The following KALRN variants were observed in gnomAD, a reference collection of about 807,000 sequenced individuals.
The protein encoded by KALRN is kalirin.
Under a neutral mutation model 353.7 loss-of-function variants are expected in KALRN, and 70 were observed. The ratio of observed to expected loss-of-function variants is 0.20; its 90% CI spans 0.16 to 0.24. The LOEUF (loss-of-function observed/expected upper bound fraction) is 0.24, where lower values mean the gene tolerates loss of function less well. Ranked by LOEUF, KALRN falls within the 10% of genes least tolerant of loss-of-function variation. The probability of loss-of-function intolerance (pLI) is 1.00; values close to 1 mark genes in which losing one functional copy is unlikely to be tolerated. For synonymous variants in KALRN, 1,391 were observed against 1,434.8 expected (o/e 0.97, Z 0.69); for missense variants, 2,791 against 3,756.7 (o/e 0.74, Z 6.72).
chr3:124,670,652 G>A (rs2086303916), intron 47 of KALRN, among the ~76,000 whole-genome samples: 1 of 152,186 alleles, frequency 6.6e-6, no homozygotes, highest in Admixed American at 6.5e-5. Flanking sequence ...CTGGGCCCCA[G>A]CTGTTAACCC....
At chr3:124,624,490 C>T (rs1427961689) in intron 34 of KALRN, among the ~76,000 whole-genome samples, 1 of 152,168 alleles carries the variant, frequency 6.6e-6, no homozygotes, top group East Asian at 1.9e-4. Context: ...GCATCCCTTC[C>T]CTCATGGATA....
intron 38 of KALRN, among the ~76,000 whole-genome samples, chr3:124,654,350 T>C (rs1407621620): frequency 6.6e-6 from 1 of 152,196 alleles, no homozygotes; most frequent in African/African-American, 2.4e-5. Context: ...GCTCCAGGAA[T>C]GTGGTGGCTT....
chr3:124,325,871 C>T (rs1243443033), intron 6 of KALRN, 109 bp from the exon 7 acceptor site: 2 of 842,426 alleles, frequency 2.4e-6, no homozygotes, highest in Non-Finnish European at 3.8e-6. Flanking sequence ...ACCAGCGTCT[C>T]TCAGACTTTT....
intron 2 of KALRN, among the ~76,000 whole-genome samples, chr3:124,231,616 C>T (rs1160989448): frequency 6.6e-6 from 1 of 152,186 alleles, no homozygotes; most frequent in Non-Finnish European, 1.5e-5. Flanking sequence ...TTGGGAAATG[C>T]TGGACATTCT....
At chr3:124,090,597 G>T (rs2061058836) in intron 1 of KALRN, among the ~76,000 whole-genome samples, 1 of 152,174 alleles carries the variant, frequency 6.6e-6, no homozygotes, top group African/African-American at 2.4e-5. Flanking sequence ...CTGCCTTCCA[G>T]GTGAGCATAC....
Position 124,152,454 on chromosome 3 carries a change from G to A in KALRN, c.74-75536G>A, listed in dbSNP as rs536773569. The A allele has an allele frequency of 9.8e-4, 1,274 of 1,302,614 alleles. 3 individuals are homozygous for A. The highest frequency in any genetic ancestry group is 1.9e-3 in the South Asian group (161 of 84,896). The allele number at this position is 1,302,614 out of a possible 1,614,324, so 80.7% of individuals were successfully genotyped here. On this transcript the variant is annotated intron_variant, in intron 1 of 59. Transcript: ENST00000682506. ...ATTTGGGTTCTGCAGGTACATAGAA[G>A]TTGCCAGCTTTTCTTGCCATCCTGG...
At chr3:124,670,621 T>C (rs73195551) in intron 47 of KALRN, among the ~76,000 whole-genome samples, 4,247 of 152,286 alleles carry the variant, frequency 0.028, 80 homozygotes, top group East Asian at 0.078. Context: ...AGTAGAAATA[T>C]CCTTGTAATT....
chr3:124,125,132 G>A (rs2064493926), intron 1 of KALRN, among the ~76,000 whole-genome samples: 1 of 152,252 alleles, frequency 6.6e-6, no homozygotes. Context: ...AACAGAAATA[G>A]GATGATTTAC....
chr3:124,615,396 G>A (rs1034995152), intron 34 of KALRN, among the ~76,000 whole-genome samples: 4 of 152,146 alleles, frequency 2.6e-5, no homozygotes, highest in African/African-American at 9.7e-5. Flanking sequence ...GAAAAAAACA[G>A]GATATCACTG....
intron 50 of KALRN, 148 bp downstream of exon 50, chr3:124,678,461 G>C: frequency 1.3e-6 from 1 of 769,602 alleles, no homozygotes; most frequent in South Asian, 2.0e-5. Context: ...GATTTTGCAT[G>C]CAAGATCAAT....
intron 1 of KALRN, among the ~76,000 whole-genome samples, chr3:124,217,257 C>T (rs1047503838): frequency 6.6e-6 from 1 of 152,168 alleles, no homozygotes; most frequent in Non-Finnish European, 1.5e-5. Flanking sequence ...TATAGGTGCT[C>T]AATAAATATT....
At chr3:124,401,101 TA>T (rs1009421689) in intron 13 of KALRN, among the ~76,000 whole-genome samples, 12 of 152,132 alleles carry the variant, frequency 7.9e-5, no homozygotes, top group Non-Finnish European at 1.8e-4. Context: ...GTTCCACTCC[TA>T]AAAAACAATC....
rs1255465373 is a variant in KALRN at position 124,347,157 on chromosome 3, T to C, written c.1662T>C (p.Ile554=). ...QQDVQQVLDW[I]ENHGEAFLSK... ...TCTTTGACCAGGTGTTGGACTGGATTGAAAACCATGGTGAGGCCTTTCTCA... is the reference window on the plus strand; with the variant it reads ...TCTTTGACCAGGTGTTGGACTGGATCGAAAACCATGGTGAGGCCTTTCTCA... Residue 554 remains isoleucine (I), a synonymous_variant, in exon 10 of 60, where the codon ATT becomes ATC. Coordinates refer to ENST00000682506, the MANE Select transcript of KALRN (RefSeq NM_001388419.1). 35 of 1,614,118 alleles carry C rather than the reference T, an allele frequency of 2.2e-5. No individual in the cohort carries two copies. In the East Asian group the frequency reaches 7.8e-4, roughly 36 times the overall value.
At chr3:124,427,022 C>A (rs112076856) in intron 15 of KALRN, among the ~76,000 whole-genome samples, 6 of 152,228 alleles carry the variant, frequency 3.9e-5, no homozygotes, top group South Asian at 2.1e-4. Context: ...CTTCTTTGCA[C>A]CAAATGCTGG....
intron 33 of KALRN, chr3:124,504,929 G>A (rs530971843): frequency 1.1e-4 from 54 of 508,604 alleles, no homozygotes; most frequent in Non-Finnish European, 2.1e-4. Flanking sequence ...GCTGGAGACA[G>A]TCCAAGGCAA....
Position 124,223,289 on chromosome 3 carries a change from C to T in KALRN, c.74-4701C>T, listed in dbSNP as rs552609289. ...TAGGAATAGGAAAATTTCAAAATTACAACCTAACTAGGGTCCAGCCAAATG... is the reference window on the plus strand; with the variant it reads ...TAGGAATAGGAAAATTTCAAAATTATAACCTAACTAGGGTCCAGCCAAATG... On this transcript the variant is annotated intron_variant, in intron 1 of 59. Transcript: ENST00000682506. Among the ~76,000 whole-genome samples the T allele has an allele frequency of 6.3e-4, 96 of 152,166 alleles. 1 individual carries two copies. The highest frequency in any genetic ancestry group is 6.3e-3 in the Admixed American group (96 of 15,284).
intron 1 of KALRN, chr3:124,082,446 T>TG (rs2060591777): frequency 5.4e-6 from 2 of 371,848 alleles, no homozygotes; most frequent in South Asian, 4.3e-5. Context: ...TGGCTTTATT[T>TG]GGGGGGTGAG....
At chr3:124,584,866 G>C (rs1302281946) in intron 34 of KALRN, 1 of 1,607,462 alleles carries the variant, frequency 6.2e-7, no homozygotes, top group Non-Finnish European at 8.5e-7. Flanking sequence ...CCTCTTTGGG[G>C]TGGCTCTTTG....
At chr3:124,642,613 G>A (rs777202147) in intron 37 of KALRN, among the ~76,000 whole-genome samples, 1 of 152,080 alleles carries the variant, frequency 6.6e-6, no homozygotes, top group Non-Finnish European at 1.5e-5. Flanking sequence ...CCACAGCCAG[G>A]CTGTATTTGT....
Sources: gnomAD v4.1 joint callset for allele counts (sites outside exome capture counted in the v4.1 genomes callset) on GRCh38, gnomAD v4.1.1 for gene constraint, MANE v1.5 for transcripts, NCBI Gene and HGNC (gene_info 2026-07-23, HGNC 2026-07-21) for gene names.